PTPRD: variants seen among roughly 807,000 people sequenced by gnomAD.
The protein encoded by PTPRD is protein tyrosine phosphatase receptor type D.
PTPRD carries 34 observed loss-of-function variants against 214.5 expected under a neutral mutation model. That is an observed-to-expected ratio of 0.16 (90% confidence interval 0.12 to 0.21). PTPRD has a LOEUF of 0.21. Ranked by LOEUF, PTPRD falls within the 10% of genes least tolerant of loss-of-function variation. The probability of loss-of-function intolerance (pLI) is 1.00; values close to 1 mark genes in which losing one functional copy is unlikely to be tolerated. For missense variants in PTPRD, 2,545 were observed against 2,398.7 expected (o/e 1.06, Z -1.27); for synonymous variants, 1,128 against 845.7 (o/e 1.33, Z -5.79).
intron 11 of PTPRD, among the ~76,000 whole-genome samples, chr9:8,829,073 C>T (rs554927112): frequency 1.4e-4 from 22 of 152,276 alleles, no homozygotes; most frequent in South Asian, 2.1e-4. Context: ...ATAATCACTA[C>T]TAATGTTTCC....
At chr9:9,867,057 G>A (rs1166705593) in intron 5 of PTPRD, among the ~76,000 whole-genome samples, 1 of 152,072 alleles carries the variant, frequency 6.6e-6, no homozygotes, top group East Asian at 1.9e-4. Context: ...TAGACTCAAA[G>A]TTTACAAACA....
At chr9:10,372,112 AAAG>A (rs879714249) in intron 2 of PTPRD, among the ~76,000 whole-genome samples, 7 of 152,222 alleles carry the variant, frequency 4.6e-5, no homozygotes, top group East Asian at 3.9e-4. Flanking sequence ...AAATAGAAAG[AAAG>A]AAGGAGAAAG....
chr9:9,052,206 A>G (rs572856576), intron 10 of PTPRD, among the ~76,000 whole-genome samples: 2 of 152,164 alleles, frequency 1.3e-5, no homozygotes, highest in Non-Finnish European at 2.9e-5. Context: ...CTATTTTATT[A>G]GGATACAATC....
intron 4 of PTPRD, among the ~76,000 whole-genome samples, chr9:9,978,768 AACAAAATAAAC>A (rs1187282883): frequency 3.9e-5 from 6 of 152,104 alleles, no homozygotes; most frequent in African/African-American, 1.2e-4. Context: ...CAGAATAAAT[AACAAAATAAAC>A]ACAAAATAAA....
At chr9:8,678,670 C>CA (rs1212649204) in intron 12 of PTPRD, among the ~76,000 whole-genome samples, 1 of 152,152 alleles carries the variant, frequency 6.6e-6, no homozygotes, top group Non-Finnish European at 1.5e-5. Context: ...TCCAATTCCC[C>CA]AAAACCTTTG....
In PTPRD at chr9:10,033,792, T is replaced by G. The variant is rs2097127139; in HGVS notation, c.-544-2A>C. 2 of 152,068 alleles carry G rather than the reference T, an allele frequency of 1.3e-5. No individual in the cohort carries two copies. Among genetic ancestry groups the G allele is most frequent in the Non-Finnish European group, 2.9e-5 (2 of 67,968 alleles). The allele number at this position is 152,068 out of a possible 1,614,324, so 9.4% of individuals were successfully genotyped here. On this transcript the variant is annotated splice_acceptor_variant, in intron 3 of 45. Coordinates refer to ENST00000381196, the MANE Select transcript of PTPRD (RefSeq NM_002839.4). LOFTEE classifies it low-confidence loss of function (5UTR_SPLICE). ...AGTATCAGACTCCTCAAGATTTCCCTGAAAGGAAAAGTGAGAGATCGCTTT... is the reference window on the plus strand; with the variant it reads ...AGTATCAGACTCCTCAAGATTTCCCGGAAAGGAAAAGTGAGAGATCGCTTT...
At chr9:9,998,128 A>AT (rs1461430608) in intron 4 of PTPRD, among the ~76,000 whole-genome samples, 20,655 of 100,682 alleles carry the variant, frequency 0.21, 2,013 homozygotes, top group Non-Finnish European at 0.26. Context: ...AAAAAAAAAA[A>AT]AATATATATA....
intron 11 of PTPRD, among the ~76,000 whole-genome samples, chr9:8,936,902 T>G (rs1567117198): frequency 3.3e-5 from 5 of 152,194 alleles, no homozygotes; most frequent in Admixed American, 2.6e-4. Context: ...ATAATAATAT[T>G]ACTGAGTAAT....
chr9:8,645,001 C>G (rs942136877), intron 12 of PTPRD, among the ~76,000 whole-genome samples: 2 of 152,216 alleles, frequency 1.3e-5, no homozygotes, highest in African/African-American at 4.8e-5. Flanking sequence ...TCTTGTAACA[C>G]TAATATTTTC....
chr9:10,410,872 T>A (rs1332691992), intron 2 of PTPRD, among the ~76,000 whole-genome samples: 1 of 151,770 alleles, frequency 6.6e-6, no homozygotes, highest in Admixed American at 6.6e-5. Flanking sequence ...TTGGAATCAG[T>A]CTGCCTACGT....
chr9:9,985,700 C>T (rs896006212), intron 4 of PTPRD, among the ~76,000 whole-genome samples: 1 of 151,766 alleles, frequency 6.6e-6, no homozygotes, highest in Non-Finnish European at 1.5e-5. Context: ...ATTATGTCCA[C>T]ATGGCATAAA....
In PTPRD at chr9:8,517,961, G is replaced by C. The variant is rs1169270162; in HGVS notation, c.1430C>G (p.Thr477Ser). 6.2e-7 allele frequency: 1 copy of C among 1,614,168 alleles called. No homozygotes were observed. The highest frequency in any genetic ancestry group is 8.5e-7 in the Non-Finnish European group (1 of 1,180,018). ...CTGGGGCACTAAGTTGCCAATAGTA[G>C]TGATTTGGCTGTCAGCTACATTGTG... ...MKHNVADSQI[T>S]TIGNLVPQKT... Residue 477 changes from threonine (T) to serine (S), a missense_variant, in exon 21 of 46, where the codon ACT becomes AGT. Physicochemically the swap from Thr to Ser is moderately conservative, Grantham distance 58. Coordinates refer to ENST00000381196, the MANE Select transcript of PTPRD (RefSeq NM_002839.4).
chr9:10,082,863 A>ACACACACC (rs1225079560), intron 3 of PTPRD, among the ~76,000 whole-genome samples: 173 of 150,012 alleles, frequency 1.2e-3, no homozygotes, highest in African/African-American at 3.9e-3. Flanking sequence ...ACACACACAC[A>ACACACACC]CCCTAGATTT....
intron 3 of PTPRD, among the ~76,000 whole-genome samples, chr9:10,087,705 T>C (rs2098369271): frequency 1.3e-5 from 2 of 151,734 alleles, no homozygotes. Context: ...CAATGTTTTA[T>C]AACTGAATAT....
rs1316823056 is a variant in PTPRD at position 9,754,876 on chromosome 9, T to A, written c.-326+11934A>T. On this transcript the variant is annotated intron_variant, in intron 6 of 45. Coordinates refer to ENST00000381196, the MANE Select transcript of PTPRD (RefSeq NM_002839.4). ...TTCAATAAAAGGTGCTAAGGAGAAT[T>A]ACCAATGCTTTTAGAAGAAAATGAT... Among the ~76,000 whole-genome samples the A allele has an allele frequency of 2.0e-5, 3 of 152,078 alleles. No homozygotes were observed. The East Asian group carries it at 5.8e-4, about 29-fold the overall frequency.
chr9:10,237,479 G>T (rs2099632890), intron 3 of PTPRD, among the ~76,000 whole-genome samples: 1 of 151,892 alleles, frequency 6.6e-6, no homozygotes, highest in Non-Finnish European at 1.5e-5. Context: ...GGAGAAGGAA[G>T]ACTGTTGACA....
intron 3 of PTPRD, among the ~76,000 whole-genome samples, chr9:10,332,302 G>T (rs1410568408): frequency 6.6e-6 from 1 of 151,810 alleles, no homozygotes; most frequent in Non-Finnish European, 1.5e-5. Context: ...AATATAAGAA[G>T]ACTATGAAGA....
At chr9:8,553,475 T>A (rs1437128777) in intron 14 of PTPRD, among the ~76,000 whole-genome samples, 1 of 152,196 alleles carries the variant, frequency 6.6e-6, no homozygotes, top group Non-Finnish European at 1.5e-5. Context: ...CACTCTAAAA[T>A]AATTAAATCA....
At chr9:8,943,845 G>A (rs2099048237) in intron 11 of PTPRD, among the ~76,000 whole-genome samples, 1 of 151,598 alleles carries the variant, frequency 6.6e-6, no homozygotes, top group Non-Finnish European at 1.5e-5. Flanking sequence ...ACTGAGTAAA[G>A]ATTTCTTGAT....
Sources: allele counts gnomAD v4.1 joint callset (sites outside exome capture counted in the v4.1 genomes callset), GRCh38; gene constraint gnomAD v4.1.1; transcripts MANE v1.5; gene names NCBI Gene and HGNC (gene_info 2026-07-23, HGNC 2026-07-21).